PCLO: variants seen among roughly 807,000 people sequenced by gnomAD.
PCLO encodes the protein protein piccolo.
Under a neutral mutation model 427.5 loss-of-function variants are expected in PCLO, and 82 were observed. The observed-to-expected ratio is 0.19, with a 90% confidence interval of 0.16 to 0.23. The LOEUF (loss-of-function observed/expected upper bound fraction) is 0.23, where lower values mean the gene tolerates loss of function less well. Among genes scored for constraint, PCLO ranks in the 10% least tolerant of loss-of-function variants. The probability of loss-of-function intolerance (pLI) is 1.00; values close to 1 mark genes in which losing one functional copy is unlikely to be tolerated. For missense variants in PCLO, 6,239 were observed against 6,115.9 expected, an observed-to-expected ratio of 1.02 and a Z score of -0.67; for synonymous variants, 2,357 against 2,155.4, an observed-to-expected ratio of 1.09 and a Z score of -2.59.
intron 3 of PCLO, among the ~76,000 whole-genome samples, chr7:83,085,474 C>A (rs1487658125): frequency 1.3e-5 from 2 of 152,116 alleles, no homozygotes; most frequent in African/African-American, 4.8e-5. Context: ...GACAGTCTGC[C>A]ACCAGAGCCC....
At chr7:82,980,001 A>C (rs1302906466) in intron 3 of PCLO, among the ~76,000 whole-genome samples, 2 of 152,192 alleles carry the variant, frequency 1.3e-5, no homozygotes, top group African/African-American at 2.4e-5. Flanking sequence ...GGATCCTAAC[A>C]ACCAGGTCCC....
intron 6 of PCLO, among the ~76,000 whole-genome samples, chr7:82,943,715 T>C (rs1397879665): frequency 6.6e-6 from 1 of 151,866 alleles, no homozygotes; most frequent in African/African-American, 2.4e-5. Context: ...AGGAAGGCAT[T>C]TTGGAGCTCT....
At chr7:83,069,202 C>T (rs1789744117) in intron 3 of PCLO, among the ~76,000 whole-genome samples, 1 of 152,062 alleles carries the variant, frequency 6.6e-6, no homozygotes, top group South Asian at 2.1e-4. Context: ...AGATGGGTTC[C>T]TGCATCCTTC....
At chr7:82,905,405 T>G (rs1351489144) in intron 8 of PCLO, among the ~76,000 whole-genome samples, 2 of 151,982 alleles carry the variant, frequency 1.3e-5, no homozygotes, top group South Asian at 4.1e-4. Flanking sequence ...ATCCCTTCCC[T>G]CACTTAAATA....
intron 4 of PCLO, among the ~76,000 whole-genome samples, chr7:82,962,107 A>C (rs2115626637): frequency 6.6e-6 from 1 of 152,300 alleles, no homozygotes; most frequent in Admixed American, 6.5e-5. Flanking sequence ...AAGCTATTTG[A>C]AATCTGTTTC....
chr7:83,056,222 C>A lies in PCLO; in HGVS notation c.3300+78028G>T, dbSNP rs556755476. Among the ~76,000 whole-genome samples the A allele has an allele frequency of 1.2e-3, 187 of 152,072 alleles. 1 individual carries two copies. The highest frequency in any genetic ancestry group is 2.3e-3 in the Non-Finnish European group (157 of 67,976). ...ATTAGTAATTATGCTTAGATTTTTACAACTCATTTTGAGATCCTTATGCAC... is the reference window on the plus strand; with the variant it reads ...ATTAGTAATTATGCTTAGATTTTTAAAACTCATTTTGAGATCCTTATGCAC... On this transcript the variant is annotated intron_variant, in intron 3 of 24. Coordinates refer to ENST00000333891, the MANE Select transcript of PCLO (RefSeq NM_033026.6).
Position 82,951,327 on chromosome 7 carries a change from A to G in PCLO, c.9261T>C (p.Gly3087=). 1 of 1,611,460 alleles carries G rather than the reference A, an allele frequency of 6.2e-7. No individual in the cohort carries two copies. The highest frequency in any genetic ancestry group is 8.5e-7 in the Non-Finnish European group (1 of 1,178,790). The change falls in exon 6 of 25, where the codon GGT becomes GGC. Residue 3087 remains glycine, a synonymous_variant. Coordinates refer to ENST00000333891, the MANE Select transcript of PCLO (RefSeq NM_033026.6). ...GAGTTGCTACTGAAGAATAGACAAC[A>G]CCATTAGATGACCTCAAAACACTCC... is the stretch of plus-strand genomic sequence containing the variant. ...CVGSVLRSSN[G]VVYSSVATPT... is the part of the protein sequence containing the mutation.
intron 6 of PCLO, among the ~76,000 whole-genome samples, chr7:82,927,575 G>C (rs1240997515): frequency 6.6e-6 from 1 of 151,868 alleles, no homozygotes; most frequent in Non-Finnish European, 1.5e-5. Flanking sequence ...ATGATTATAC[G>C]GCATCCAAAT....
Position 82,954,812 on chromosome 7 carries a change from A to G in PCLO, c.6141T>C (p.Thr2047=). The G allele has an allele frequency of 6.2e-7, 1 of 1,613,892 alleles. No individual in the cohort carries two copies. The highest frequency in any genetic ancestry group is 2.2e-5 in the East Asian group (1 of 44,870). Reference sequence around the variant, plus strand: ...TTTCTTCTTCTGTAGAAGTTACCATAGTACCCAGGTCCACTATCTCATGGC... The same window carrying G: ...TTTCTTCTTCTGTAGAAGTTACCATGGTACCCAGGTCCACTATCTCATGGC... ...PESHEIVDLG[T]MVTSTEEERK... The change falls in exon 5 of 25, where the codon ACT becomes ACC. Residue 2047 remains threonine, a synonymous_variant. Coordinates refer to ENST00000333891, the MANE Select transcript of PCLO (RefSeq NM_033026.6).
In PCLO at chr7:83,006,657, C is replaced by T. The variant is rs1185638930; in HGVS notation, c.3301-40170G>A. ...TTCTTTTCATTTCAATTAAGTGCCC[C>T]TAAGAATAGTGTTGTATACTTGAAT... is the stretch of plus-strand genomic sequence containing the variant. On this transcript the variant is annotated intron_variant, in intron 3 of 24. Coordinates refer to ENST00000333891, the MANE Select transcript of PCLO (RefSeq NM_033026.6). Among the ~76,000 whole-genome samples the T allele has an allele frequency of 4.0e-5, 6 of 151,532 alleles. No homozygotes were observed. In the East Asian group the frequency reaches 9.7e-4, roughly 24 times the overall value.
chr7:82,890,667 G>A (rs759093231), intron 9 of PCLO, among the ~76,000 whole-genome samples: 3 of 151,768 alleles, frequency 2.0e-5, no homozygotes, highest in Middle Eastern at 3.5e-3. Context: ...AAACTAATCC[G>A]CTAATCACAA....
intron 3 of PCLO, among the ~76,000 whole-genome samples, chr7:82,968,766 G>C (rs910288085): frequency 8.5e-5 from 13 of 152,136 alleles, no homozygotes; most frequent in African/African-American, 3.1e-4. Context: ...TGATCTGCCT[G>C]TCTTGGCCTC....
chr7:82,864,836 A>C lies in PCLO; in HGVS notation c.13654+14501T>G, dbSNP rs532448967. The stretch of plus-strand genomic sequence containing the variant: ...AAAAAAAATAAGACAGGAATTCAAA[A>C]TTGCAATTGATTATTAATTCTTACA... On this transcript the variant is annotated intron_variant, in intron 10 of 24. Transcript: ENST00000333891. Among the ~76,000 whole-genome samples, 187 of 152,296 alleles carry C rather than the reference A, an allele frequency of 1.2e-3. 1 individual carries two copies. Among genetic ancestry groups the C allele is most frequent in the Non-Finnish European group, 2.1e-3 (141 of 68,032 alleles).
chr7:82,832,906 C>T (rs1218459890), intron 16 of PCLO, among the ~76,000 whole-genome samples: 1 of 151,606 alleles, frequency 6.6e-6, no homozygotes, highest in Admixed American at 6.6e-5. Flanking sequence ...CAACTTGCAT[C>T]CCATTTTGTA....
intron 6 of PCLO, among the ~76,000 whole-genome samples, chr7:82,927,619 C>T (rs1339048138): frequency 6.6e-6 from 1 of 152,148 alleles, no homozygotes; most frequent in Non-Finnish European, 1.5e-5. Flanking sequence ...CGGGTGAAAG[C>T]TCACCAAAAC....
intron 22 of PCLO, among the ~76,000 whole-genome samples, chr7:82,779,073 T>C (rs1790815204): frequency 6.6e-6 from 1 of 152,160 alleles, no homozygotes; most frequent in Non-Finnish European, 1.5e-5. Flanking sequence ...CTTTATGACA[T>C]ACTGTATTCA....
chr7:82,965,124 AAG>A (rs1795734817), intron 4 of PCLO, among the ~76,000 whole-genome samples: 1 of 152,110 alleles, frequency 6.6e-6, no homozygotes, highest in African/African-American at 2.4e-5. Flanking sequence ...AGAAAAAGAA[AAG>A]AATATTTTTC....
At chr7:82,869,657 C>T (rs1562828161) in intron 10 of PCLO, among the ~76,000 whole-genome samples, 1 of 151,766 alleles carries the variant, frequency 6.6e-6, no homozygotes, top group South Asian at 2.1e-4. Context: ...GAACAGAGAA[C>T]CTGGAAAAGA....
chr7:83,044,217 G>C (rs551132085), intron 3 of PCLO, among the ~76,000 whole-genome samples: 1 of 151,984 alleles, frequency 6.6e-6, no homozygotes, highest in South Asian at 2.1e-4. Context: ...GAACAACATG[G>C]GGGAACCGCC....
Sources: gnomAD v4.1 joint callset for allele counts (sites outside exome capture counted in the v4.1 genomes callset) on GRCh38, gnomAD v4.1.1 for gene constraint, MANE v1.5 for transcripts, NCBI Gene and HGNC (gene_info 2026-07-23, HGNC 2026-07-21) for gene names.